PCDH15: variants seen among roughly 807,000 people sequenced by gnomAD.
PCDH15 encodes protocadherin-15.
A neutral mutation model predicts 178.5 loss-of-function variants in PCDH15; 129 were observed. The observed-to-expected ratio is 0.72, with a 90% confidence interval of 0.63 to 0.84. PCDH15 has a LOEUF of 0.84. Among genes scored for constraint, PCDH15 ranks in the 40% least tolerant of loss-of-function variants. The pLI, the probability that PCDH15 is intolerant of heterozygous loss-of-function variation, is 0.00. For synonymous variants in PCDH15, 800 were observed against 732.0 expected (o/e 1.09, Z -1.50); for missense variants, 2,230 against 2,099.9 (o/e 1.06, Z -1.21).
rs145156978 is a variant in PCDH15, at chr10:55,127,105, C to T, written c.-80+39471G>A. On this transcript the variant is annotated intron_variant, in intron 2 of 5. Transcript: ENST00000458638. The stretch of plus-strand genomic sequence containing the variant: ...TGACTCTGCAACTAACTGACAATCT[C>T]ACTACTCATGTGCTTTTCTGCTCGA... Among the ~76,000 whole-genome samples the T allele has an allele frequency of 4.3e-3, 652 of 152,104 alleles. 6 individuals carry two copies. The highest frequency in any genetic ancestry group is 0.015 in the African/African-American group (603 of 41,518).
chr10:54,216,478 G>A (rs2052082204), intron 9 of PCDH15, among the ~76,000 whole-genome samples: 1 of 152,052 alleles, frequency 6.6e-6, no homozygotes, highest in Admixed American at 6.6e-5. Flanking sequence ...AAATGTTCGG[G>A]GCTAGAGAAA....
intron 2 of PCDH15, among the ~76,000 whole-genome samples, chr10:54,941,420 A>G (rs916175897): frequency 6.6e-6 from 1 of 151,876 alleles, no homozygotes; most frequent in African/African-American, 2.4e-5. Flanking sequence ...CAATTCCAAG[A>G]TTTATTTTTG....
chr10:55,308,415 A>G (rs1457045915), intron 1 of PCDH15, among the ~76,000 whole-genome samples: 1 of 152,172 alleles, frequency 6.6e-6, no homozygotes, highest in Non-Finnish European at 1.5e-5. Flanking sequence ...GGAGACTGGC[A>G]AAGGAATAAT....
At chr10:54,395,867 T>C (rs1951150395) in intron 3 of PCDH15, among the ~76,000 whole-genome samples, 1 of 152,172 alleles carries the variant, frequency 6.6e-6, no homozygotes, top group Non-Finnish European at 1.5e-5. Flanking sequence ...AATGTATTAT[T>C]GTAGATATAA....
upstream of PCDH15, among the ~76,000 whole-genome samples, chr10:55,322,188 C>T (rs188429577): frequency 7.4e-3 from 1,122 of 152,234 alleles, 10 homozygotes; most frequent in South Asian, 0.037. Context: ...ATGCGAACTC[C>T]CCTACCCATG....
At chr10:53,990,776 G>A (rs2091419402) in intron 21 of PCDH15, among the ~76,000 whole-genome samples, 1 of 152,166 alleles carries the variant, frequency 6.6e-6, no homozygotes, top group East Asian at 2.0e-4. Flanking sequence ...GCTGAGGCTG[G>A]AGATGGCTCC....
chr10:55,517,138 T>C (rs1453822713), intron 2 of PCDH15, among the ~76,000 whole-genome samples: 2 of 151,984 alleles, frequency 1.3e-5, no homozygotes, highest in Non-Finnish European at 2.9e-5. Context: ...TAATTTAACA[T>C]GATTTTAGAG....
intron 2 of PCDH15, among the ~76,000 whole-genome samples, chr10:55,586,310 A>T (rs1432302956): frequency 6.6e-6 from 1 of 151,858 alleles, no homozygotes; most frequent in Non-Finnish European, 1.5e-5. Flanking sequence ...ATATTATTTT[A>T]AATATTTTAA....
At chr10:54,443,090 T>C (rs2075930971) in intron 3 of PCDH15, among the ~76,000 whole-genome samples, 1 of 151,678 alleles carries the variant, frequency 6.6e-6, no homozygotes, top group Non-Finnish European at 1.5e-5. Context: ...GGTGACCTCC[T>C]GTTTAAGTTT....
intron 2 of PCDH15, among the ~76,000 whole-genome samples, chr10:55,096,162 A>C (rs1842446087): frequency 6.6e-6 from 1 of 152,134 alleles, no homozygotes; most frequent in Non-Finnish European, 1.5e-5. Flanking sequence ...AAACATGAAA[A>C]AAAATTCTAT....
At chr10:54,076,108 T>C (rs1388549006) in intron 17 of PCDH15, among the ~76,000 whole-genome samples, 2 of 152,144 alleles carry the variant, frequency 1.3e-5, no homozygotes, top group East Asian at 1.9e-4. Context: ...TATTTTTCAA[T>C]TTAGTTATGT....
chr10:55,216,566 T>C (rs1840708465), intron 1 of PCDH15, among the ~76,000 whole-genome samples: 2 of 151,920 alleles, frequency 1.3e-5, no homozygotes, highest in South Asian at 4.2e-4. Context: ...ATATCTTTTA[T>C]TACAAAATAG....
chr10:53,808,938 G>T (rs929982779), intron 37 of PCDH15: 1 of 1,562,218 alleles, frequency 6.4e-7, no homozygotes. Flanking sequence ...CTTCCACAGG[G>T]GCTGGTCCAC....
At chr10:54,921,565 T>C in intron 2 of PCDH15, among the ~76,000 whole-genome samples, 1 of 152,174 alleles carries the variant, frequency 6.6e-6, no homozygotes, top group East Asian at 1.9e-4. Context: ...TTCCCACTTA[T>C]AAGTGAGAAC....
At chr10:54,247,614 G>A (rs1308317707) in intron 8 of PCDH15, among the ~76,000 whole-genome samples, 2 of 151,694 alleles carry the variant, frequency 1.3e-5, no homozygotes, top group African/African-American at 4.8e-5. Flanking sequence ...CACATATAGG[G>A]GCTCACAGCG....
At chr10:55,386,377 TA>T in intron 2 of PCDH15, among the ~76,000 whole-genome samples, 1 of 152,092 alleles carries the variant, frequency 6.6e-6, no homozygotes, top group East Asian at 1.9e-4. Flanking sequence ...GAGGAGTTAT[TA>T]AAAATTAATT....
intron 3 of PCDH15, among the ~76,000 whole-genome samples, chr10:54,868,454 C>A (rs1953976942): frequency 6.6e-6 from 1 of 152,136 alleles, no homozygotes; most frequent in South Asian, 2.1e-4. Context: ...TCCTCCCTCA[C>A]CCTCACAGCT....
At chr10:54,451,550 G>A (rs1802505789) in intron 3 of PCDH15, among the ~76,000 whole-genome samples, 1 of 151,886 alleles carries the variant, frequency 6.6e-6, no homozygotes, top group Admixed American at 6.6e-5. Flanking sequence ...ACATAAATCT[G>A]TTAAGTTGAC....
At chr10:55,129,579 C>A (rs1837990385) in intron 2 of PCDH15, among the ~76,000 whole-genome samples, 1 of 152,100 alleles carries the variant, frequency 6.6e-6, no homozygotes, top group African/African-American at 2.4e-5. Flanking sequence ...GCAAAATGAA[C>A]TGAACTTTGG....
Sources: gnomAD v4.1 joint callset for allele counts (sites outside exome capture counted in the v4.1 genomes callset) on GRCh38, gnomAD v4.1.1 for gene constraint, MANE v1.5 for transcripts, NCBI Gene and HGNC (gene_info 2026-07-23, HGNC 2026-07-21) for gene names.